The following PLCE1 variants were observed in gnomAD, a reference collection of about 807,000 sequenced individuals.
PLCE1 encodes phospholipase C epsilon 1.
In PLCE1, 119 loss-of-function variants were observed where a neutral mutation model predicts 242.8. The ratio of observed to expected loss-of-function variants is 0.49; its 90% CI spans 0.42 to 0.57. PLCE1 has a LOEUF of 0.57. Among genes scored for constraint, PLCE1 ranks in the 20% least tolerant of loss-of-function variants. The pLI, the probability that PLCE1 is intolerant of heterozygous loss-of-function variation, is 0.00. For synonymous variants in PLCE1, 945 were observed against 1,017.4 expected (o/e 0.93, Z 1.35); for missense variants, 2,441 against 2,788.8 (o/e 0.88, Z 2.81).
chr10:94,268,047 C>A lies in PLCE1; in HGVS notation c.4282-882C>A, dbSNP rs114210915. On this transcript the variant is annotated intron_variant, in intron 16 of 32. Coordinates refer to ENST00000371380, the MANE Select transcript of PLCE1 (RefSeq NM_016341.4). Reference sequence around the variant, plus strand: ...AATTTCTTGGCTTGGGTCACTATTCCAGTATGTAATAATTTTTTAAGATGA... The same window carrying A: ...AATTTCTTGGCTTGGGTCACTATTCAAGTATGTAATAATTTTTTAAGATGA... 6.9e-3 allele frequency among the ~76,000 whole-genome samples: 1,044 copies of A among 152,104 alleles called. 10 individuals are homozygous for A. The highest frequency in any genetic ancestry group is 0.023 in the African/African-American group (968 of 41,502).
intron 1 of PLCE1, among the ~76,000 whole-genome samples, chr10:94,004,667 GC>G (rs1160601395): frequency 1.3e-5 from 2 of 151,940 alleles, no homozygotes; most frequent in Non-Finnish European, 2.9e-5. Context: ...TCTCCTTTTT[GC>G]CCACAATTTT....
chr10:94,130,062 T>G (rs767514721), intron 2 of PLCE1, among the ~76,000 whole-genome samples: 1 of 152,250 alleles, frequency 6.6e-6, no homozygotes, highest in African/African-American at 2.4e-5. Flanking sequence ...TAAGCCTTCC[T>G]TAGCCATCAA....
At chr10:94,114,539 G>C (rs183192019) in intron 2 of PLCE1, among the ~76,000 whole-genome samples, 1 of 152,282 alleles carries the variant, frequency 6.6e-6, no homozygotes. Flanking sequence ...TCCAAGATCT[G>C]CTCTGTTCTA....
At chr10:94,196,002 C>A (rs1210449682) in intron 4 of PLCE1, among the ~76,000 whole-genome samples, 1 of 152,038 alleles carries the variant, frequency 6.6e-6, no homozygotes, top group Non-Finnish European at 1.5e-5. Flanking sequence ...AGTTTGAATC[C>A]CAGCCACATT....
intron 23 of PLCE1, among the ~76,000 whole-genome samples, chr10:94,296,956 C>T (rs2052846402): frequency 6.6e-6 from 1 of 152,020 alleles, no homozygotes; most frequent in Non-Finnish European, 1.5e-5. Flanking sequence ...TCACTGCAAC[C>T]TCCACCTCCC....
rs764886635 is a variant in PLCE1 at position 94,324,972 on chromosome 10, A to C, written c.6801A>C (p.Arg2267=). The part of the protein sequence containing the change: ...KKLTKSTKQP[R]GLTSPSQLLT... The stretch of plus-strand genomic sequence containing the variant: ...TCACCAAGTCAACTAAACAGCCCCG[A>C]GGACTTACATCACCTTCTCAGCTCT... The change falls in exon 32 of 33, where the codon CGA becomes CGC. Residue 2267 remains arginine, a synonymous_variant. Coordinates refer to ENST00000371380, the MANE Select transcript of PLCE1 (RefSeq NM_016341.4). 3 of 1,614,056 alleles carry C rather than the reference A, an allele frequency of 1.9e-6. No homozygotes were observed. Among genetic ancestry groups the C allele is most frequent in the East Asian group, 4.5e-5 (2 of 44,898 alleles).
In PLCE1 at chr10:94,259,722, A is replaced by C. The variant is rs7079063; in HGVS notation, c.3814+572A>C. Among the ~76,000 whole-genome samples the C allele has an allele frequency of 6.9e-3, 1,054 of 152,250 alleles. 9 individuals carry two copies. Among genetic ancestry groups the C allele is most frequent in the African/African-American group, 0.023 (970 of 41,516 alleles). On this transcript the variant is annotated intron_variant, in intron 13 of 32. Coordinates refer to ENST00000371380, the MANE Select transcript of PLCE1 (RefSeq NM_016341.4). The stretch of plus-strand genomic sequence containing the variant: ...AATAAAGCCTTCCAGTCATTCTGAC[A>C]ACCAAAAACCCTTTCCCGACTATAT...
At chr10:94,235,502 C>T (rs565761682) in intron 6 of PLCE1, among the ~76,000 whole-genome samples, 1 of 151,968 alleles carries the variant, frequency 6.6e-6, no homozygotes, top group South Asian at 2.1e-4. Context: ...AAAACATCAC[C>T]TCTTCTCAGT....
At chr10:94,033,147 T>A (rs943913160) in intron 2 of PLCE1, among the ~76,000 whole-genome samples, 1 of 152,064 alleles carries the variant, frequency 6.6e-6, no homozygotes, top group Non-Finnish European at 1.5e-5. Context: ...ACTTGAGCAT[T>A]CTTGAACTTT....
chr10:94,248,300 A>G (rs2050758146), intron 8 of PLCE1, among the ~76,000 whole-genome samples: 1 of 152,182 alleles, frequency 6.6e-6, no homozygotes, highest in African/African-American at 2.4e-5. Flanking sequence ...TAACTCGTCT[A>G]AAATGGAAAA....
At chr10:94,136,303 G>A (rs1443741768) in intron 3 of PLCE1, among the ~76,000 whole-genome samples, 1 of 152,146 alleles carries the variant, frequency 6.6e-6, no homozygotes, top group Non-Finnish European at 1.5e-5. Flanking sequence ...GAAGAGTTCT[G>A]GAGCTTACTG....
At chr10:94,305,442 C>G (rs1359728655) in intron 25 of PLCE1, among the ~76,000 whole-genome samples, 2 of 152,126 alleles carry the variant, frequency 1.3e-5, no homozygotes, top group East Asian at 3.9e-4. Flanking sequence ...TTCAACAAAA[C>G]AAAACAACAA....
intron 4 of PLCE1, among the ~76,000 whole-genome samples, chr10:94,219,779 A>C (rs1367888266): frequency 1.3e-5 from 2 of 150,438 alleles, no homozygotes; most frequent in Non-Finnish European, 2.9e-5. Context: ...AGGTAACAGT[A>C]AAAAATTAAT....
intron 2 of PLCE1, among the ~76,000 whole-genome samples, chr10:94,042,675 C>T (rs1021972440): frequency 5.9e-5 from 9 of 152,128 alleles, no homozygotes; most frequent in South Asian, 2.1e-4. Context: ...ATTCTTAATG[C>T]GAGGGGTGTG....
intron 3 of PLCE1, 104 bp downstream of exon 3, chr10:94,132,563 GC>G: frequency 2.6e-6 from 3 of 1,144,200 alleles, no homozygotes; most frequent in Non-Finnish European, 3.9e-6. Context: ...TCACTTTTCA[GC>G]AACTTTAAGT....
At chr10:94,186,187 G>T (rs2048472687) in intron 4 of PLCE1, among the ~76,000 whole-genome samples, 1 of 152,094 alleles carries the variant, frequency 6.6e-6, no homozygotes, top group Non-Finnish European at 1.5e-5. Context: ...GTAAAAATGG[G>T]GCTTCCTCAT....
intron 2 of PLCE1, among the ~76,000 whole-genome samples, chr10:94,047,717 A>G (rs1467154274): frequency 6.6e-6 from 1 of 152,164 alleles, no homozygotes; most frequent in African/African-American, 2.4e-5. Flanking sequence ...CGATGAACTT[A>G]ACAGCCAATA....
chr10:94,159,286 G>A (rs977362297), intron 3 of PLCE1, among the ~76,000 whole-genome samples: 3 of 151,938 alleles, frequency 2.0e-5, no homozygotes, highest in Non-Finnish European at 4.4e-5. Flanking sequence ...GTTGCAAGAC[G>A]GATTTTGTTA....
rs966046983 is a variant in PLCE1, at chr10:94,171,544, G to T, written c.1809+48G>T. On this transcript the variant is annotated intron_variant, in intron 4 of 32. Transcript: ENST00000371380. The stretch of plus-strand genomic sequence containing the variant: ...CTTGGTATTTGACTCACCCGTAAGT[G>T]ATTTTCAAGCATACCTCCCCTTCTA... 4 of 1,439,618 alleles carry T rather than the reference G, an allele frequency of 2.8e-6. No individual in the cohort carries two copies. In the African/African-American group the frequency reaches 5.6e-5, roughly 20 times the overall value. 89.2% of individuals were successfully genotyped at this position (1,439,618 alleles called of 1,614,324 possible). A position where few individuals can be genotyped will look rare whatever the true frequency, so the allele number is the denominator to read the frequency against.
Sources: gnomAD v4.1 joint callset for allele counts (sites outside exome capture counted in the v4.1 genomes callset) on GRCh38, gnomAD v4.1.1 for gene constraint, MANE v1.5 for transcripts, NCBI Gene and HGNC (gene_info 2026-07-23, HGNC 2026-07-21) for gene names.